Variants in AGMO observed in about 807,000 individuals in gnomAD.
The protein encoded by AGMO is alkylglycerol monooxygenase.
In AGMO, 75 loss-of-function variants were observed where a neutral mutation model predicts 60.2. The ratio of observed to expected loss-of-function variants is 1.25; its 90% CI spans 1.03 to 1.51. The LOEUF is 1.51. Among genes scored for constraint, AGMO ranks in the 40% most tolerant of loss-of-function variants. The pLI, the probability that AGMO is intolerant of heterozygous loss-of-function variation, is 0.00. For synonymous variants in AGMO, 261 were observed against 177.1 expected (o/e 1.47, Z -3.76); for missense variants, 763 against 525.5 (o/e 1.45, Z -4.42).
intron 12 of AGMO, among the ~76,000 whole-genome samples, chr7:15,364,349 CCT>C (rs528685296): frequency 5.5e-4 from 84 of 152,004 alleles, no homozygotes; most frequent in Admixed American, 1.8e-3. Context: ...TCTCCCTCTC[CCT>C]GTTTTTATAC....
intron 5 of AGMO, among the ~76,000 whole-genome samples, chr7:15,408,620 A>G (rs1332520897): frequency 6.6e-6 from 1 of 151,916 alleles, no homozygotes; most frequent in Non-Finnish European, 1.5e-5. Context: ...GCTGAGACAT[A>G]TGACACCCTA....
chr7:15,458,870 G>A (rs990940266), intron 3 of AGMO, among the ~76,000 whole-genome samples: 1 of 152,136 alleles, frequency 6.6e-6, no homozygotes, highest in Non-Finnish European at 1.5e-5. Flanking sequence ...ACCATTGCAA[G>A]ATGTTCTTCC....
At chr7:15,183,748 T>A in the AGMO span, among the ~76,000 whole-genome samples, 2 of 152,244 alleles carry the variant, frequency 1.3e-5, no homozygotes, top group Admixed American at 1.3e-4. Flanking sequence ...GTAGCATCTA[T>A]CACCTTTTAA....
At position 15,317,927 on chromosome 7, in the gene AGMO, G is replaced by GTATA. The variant is rs150303018; in HGVS notation, c.1263+47583_1263+47586dup. ...CACACGTATATATATATACACACAC[G>GTATA]TATATATATATATACACACACACAC... On this transcript the variant is annotated intron_variant, in intron 12 of 12. Transcript: ENST00000342526. Among the ~76,000 whole-genome samples the GTATA allele has an allele frequency of 2.6e-3, 330 of 126,762 alleles. 1 individual carries two copies. The highest frequency in any genetic ancestry group is 0.013 in the East Asian group (59 of 4,682). 83.2% of individuals were successfully genotyped at this position (126,762 alleles called of 152,430 possible). A position where few individuals can be genotyped will look rare whatever the true frequency, so the allele number is the denominator to read the frequency against.
intron 12 of AGMO, among the ~76,000 whole-genome samples, chr7:15,216,526 C>A (rs1251089096): frequency 2.6e-5 from 4 of 151,786 alleles, no homozygotes; most frequent in Non-Finnish European, 4.4e-5. Context: ...CCAAATCTTT[C>A]TACTGGAATT....
At chr7:15,484,246 AATT>A (rs1469579658) in intron 3 of AGMO, among the ~76,000 whole-genome samples, 2 of 152,100 alleles carry the variant, frequency 1.3e-5, no homozygotes, top group African/African-American at 2.4e-5. Flanking sequence ...AAATTATTAT[AATT>A]ATTATTATCA....
chr7:15,483,382 C>A (rs539455759), intron 3 of AGMO, among the ~76,000 whole-genome samples: 2 of 150,850 alleles, frequency 1.3e-5, no homozygotes, highest in Non-Finnish European at 3.0e-5. Flanking sequence ...CTGGCTAACA[C>A]GGTGAAACCC....
At chr7:15,474,490 C>G (rs114147204) in intron 3 of AGMO, among the ~76,000 whole-genome samples, 1 of 151,954 alleles carries the variant, frequency 6.6e-6, no homozygotes, top group Non-Finnish European at 1.5e-5. Flanking sequence ...AACTGGATAG[C>G]GATATGCAGA....
intron 12 of AGMO, among the ~76,000 whole-genome samples, chr7:15,286,938 G>T (rs1221347544): frequency 6.6e-6 from 1 of 152,102 alleles, no homozygotes. Flanking sequence ...CTTGGATGGA[G>T]CTGGAGGCCA....
At chr7:15,333,575 C>T (rs755882419) in intron 12 of AGMO, among the ~76,000 whole-genome samples, 6 of 145,406 alleles carry the variant, frequency 4.1e-5, no homozygotes, top group Non-Finnish European at 9.0e-5. Flanking sequence ...TTACTTGATA[C>T]TCTCTATAGA....
At chr7:15,301,062 A>C (rs1351275610) in intron 12 of AGMO, among the ~76,000 whole-genome samples, 1 of 152,214 alleles carries the variant, frequency 6.6e-6, no homozygotes, top group Non-Finnish European at 1.5e-5. Flanking sequence ...TCATACATTT[A>C]AGAAATCTTT....
intron 3 of AGMO, among the ~76,000 whole-genome samples, chr7:15,456,243 T>C (rs1053490512): frequency 1.3e-5 from 2 of 152,140 alleles, no homozygotes; most frequent in Non-Finnish European, 2.9e-5. Flanking sequence ...CCTCCAGTTT[T>C]ATAAATACAA....
chr7:15,488,580 G>A (rs1782981356), intron 3 of AGMO, among the ~76,000 whole-genome samples: 1 of 151,956 alleles, frequency 6.6e-6, no homozygotes, highest in Non-Finnish European at 1.5e-5. Context: ...GGAATTATTG[G>A]GCTTTGACCT....
At chr7:15,499,299 A>G (rs2128524394) in intron 3 of AGMO, among the ~76,000 whole-genome samples, 1 of 151,994 alleles carries the variant, frequency 6.6e-6, no homozygotes, top group South Asian at 2.1e-4. Context: ...CACTCCAGTC[A>G]CTCACCTTTT....
intron 10 of AGMO, among the ~76,000 whole-genome samples, chr7:15,376,250 A>G (rs1045821609): frequency 2.0e-4 from 30 of 152,006 alleles, no homozygotes; most frequent in African/African-American, 2.4e-5. Context: ...TGAAATCCCA[A>G]GGGGATAGAC....
chr7:15,393,723 T>C (rs1028586011), intron 6 of AGMO, among the ~76,000 whole-genome samples: 2 of 152,172 alleles, frequency 1.3e-5, no homozygotes, highest in African/African-American at 4.8e-5. Context: ...TCAAAACAGT[T>C]TTCAAGACCA....
Position 15,493,362 on chromosome 7 carries a change from C to CACATAT in AGMO, c.409+51409_409+51410insATATGT, listed in dbSNP as rs71004386. On this transcript the variant is annotated intron_variant, in intron 3 of 12. Transcript: ENST00000342526. ...ACACACACACACACACACACACACA[C>CACATAT]TTCTTTTTTTTTTTTTTTTTTTTTT... 2.9e-3 allele frequency among the ~76,000 whole-genome samples: 298 copies of CACATAT among 102,254 alleles called. 24 individuals are homozygous for CACATAT. Among genetic ancestry groups the CACATAT allele is most frequent in the African/African-American group, 0.011 (285 of 24,946 alleles). The allele number at this position is 102,254 out of a possible 152,430, so 67.1% of individuals were successfully genotyped here.
downstream of AGMO, among the ~76,000 whole-genome samples, chr7:15,198,079 A>G (rs974290600): frequency 4.6e-5 from 7 of 152,146 alleles, no homozygotes; most frequent in Non-Finnish European, 4.4e-5. Context: ...CCTTTCCTCT[A>G]TCTTTTCTTA....
chr7:15,522,491 C>T (rs552052652), intron 3 of AGMO, among the ~76,000 whole-genome samples: 56 of 152,138 alleles, frequency 3.7e-4, no homozygotes, highest in African/African-American at 1.3e-3. Flanking sequence ...GGTACTAGTA[C>T]CAAAACAGGT....
Sources: gnomAD v4.1 joint callset for allele counts (sites outside exome capture counted in the v4.1 genomes callset) on GRCh38, gnomAD v4.1.1 for gene constraint, MANE v1.5 for transcripts, NCBI Gene and HGNC (gene_info 2026-07-23, HGNC 2026-07-21) for gene names.